VCL: variants seen among roughly 807,000 people sequenced by gnomAD.
The protein encoded by VCL is vinculin.
VCL carries 47 observed loss-of-function variants against 125.7 expected under a neutral mutation model. That is an observed-to-expected ratio of 0.37 (90% confidence interval 0.30 to 0.48). VCL has a LOEUF of 0.48. Ranked by LOEUF, VCL falls within the 20% of genes least tolerant of loss-of-function variation. The probability of loss-of-function intolerance (pLI) is 0.99; values close to 1 mark genes in which losing one functional copy is unlikely to be tolerated. For synonymous variants in VCL, 458 were observed against 514.6 expected (o/e 0.89, Z 1.49); for missense variants, 1,069 against 1,455.5 (o/e 0.73, Z 4.32).
intron 1 of VCL, among the ~76,000 whole-genome samples, chr10:74,030,493 G>A (rs1840855535): frequency 6.6e-6 from 1 of 152,184 alleles, no homozygotes; most frequent in Non-Finnish European, 1.5e-5. Context: ...TGTTGGGAGA[G>A]GAGTTTATGC....
intron 1 of VCL, among the ~76,000 whole-genome samples, chr10:74,038,244 G>A (rs1404856482): frequency 6.6e-6 from 1 of 152,088 alleles, no homozygotes; most frequent in Admixed American, 6.6e-5. Flanking sequence ...TGTTCCACCC[G>A]CCTTGACCTT....
intron 8 of VCL, among the ~76,000 whole-genome samples, chr10:74,086,984 T>C (rs1839789174): frequency 6.6e-6 from 1 of 152,176 alleles, no homozygotes; most frequent in African/African-American, 2.4e-5. Flanking sequence ...AGCCCATAAA[T>C]AGTTTTACTT....
At chr10:74,007,810 C>CT (rs1287332650) in intron 1 of VCL, among the ~76,000 whole-genome samples, 6 of 146,872 alleles carry the variant, frequency 4.1e-5, no homozygotes, top group South Asian at 2.2e-4. Flanking sequence ...TTTTTTTTTC[C>CT]TTTTTTTTTG....
At position 74,102,592 on chromosome 10, in the gene VCL, CAT is replaced by C. The variant is rs1840077405; in HGVS notation, c.2023-1227_2023-1226del. 2.0e-5 allele frequency among the ~76,000 whole-genome samples: 3 copies of C among 152,316 alleles called. No individual in the cohort carries two copies. In the South Asian group the frequency reaches 6.2e-4, roughly 32 times the overall value. On this transcript the variant is annotated intron_variant, in intron 14 of 21. Coordinates refer to ENST00000211998, the MANE Select transcript of VCL (RefSeq NM_014000.3). ...TGTGAGGAGATATGGGGGAAATAAA[CAT>C]GTCTCTGAATCATTAAACTTTTGCC...
chr10:74,095,959 A>C, intron 12 of VCL, 104 bp downstream of exon 12: 5 of 1,380,002 alleles, frequency 3.6e-6, no homozygotes, highest in Non-Finnish European at 5.0e-6. Flanking sequence ...TCTGGGGTCT[A>C]GGGAAAATGA....
In VCL at chr10:74,095,821, G is replaced by A. The variant is rs1227574438; in HGVS notation, c.1709G>A (p.Arg570Gln). 8.7e-6 allele frequency: 14 copies of A among 1,613,924 alleles called. No homozygotes were observed. Among genetic ancestry groups the A allele is most frequent in the South Asian group, 4.4e-5 (4 of 91,082 alleles). ...GGGGAAGGGGAGAGTCCTCAGGCAC[G>A]AGCACTTGCATCTCAGCTCCAAGAC... ...ARGEGESPQA[R>Q]ALASQLQDSL... Residue 570 changes from arginine (R) to glutamine (Q), a missense_variant, in exon 12 of 22, where the codon CGA becomes CAA. This residue lies in a region of VCL where 760 missense variants were observed against 928.9 expected (regional missense o/e 0.82). Coordinates refer to ENST00000211998, the MANE Select transcript of VCL (RefSeq NM_014000.3).
chr10:74,087,510 CTAAT>C (rs1839803032), intron 8 of VCL, among the ~76,000 whole-genome samples: 1 of 126,314 alleles, frequency 7.9e-6, no homozygotes, highest in Non-Finnish European at 1.6e-5. Flanking sequence ...CCACGCCTGG[CTAAT>C]TTTTTTTTTT....
At chr10:74,040,447 A>C (rs977242616) in intron 1 of VCL, among the ~76,000 whole-genome samples, 3 of 152,180 alleles carry the variant, frequency 2.0e-5, no homozygotes, top group Non-Finnish European at 4.4e-5. Flanking sequence ...CCCCACATAT[A>C]TAAAAGGAAT....
At chr10:74,018,582 C>G (rs193024141) in intron 1 of VCL, among the ~76,000 whole-genome samples, 3 of 152,112 alleles carry the variant, frequency 2.0e-5, no homozygotes, top group African/African-American at 7.2e-5. Context: ...TACAAAGATA[C>G]AAGGGTGTGA....
intron 2 of VCL, among the ~76,000 whole-genome samples, chr10:74,048,935 C>T (rs1224535400): frequency 2.0e-5 from 3 of 152,132 alleles, no homozygotes; most frequent in East Asian, 1.9e-4. Flanking sequence ...GGTGAAACCC[C>T]GTCTCTACTA....
At chr10:74,106,499 TG>T (rs1389732383) in intron 16 of VCL, among the ~76,000 whole-genome samples, 1 of 152,192 alleles carries the variant, frequency 6.6e-6, no homozygotes. Flanking sequence ...GGTACTACCA[TG>T]GCAGATCATA....
In VCL at chr10:74,013,903, TAA is replaced by T. The variant is rs34883617; in HGVS notation, c.168+15537_168+15538del. On this transcript the variant is annotated intron_variant, in intron 1 of 21. Coordinates refer to ENST00000211998, the MANE Select transcript of VCL (RefSeq NM_014000.3). ...GTCTAATGAAAAGGCAGTGTTGATT[TAA>T]AAAAAAAATGTCTAAGCATAGCTTC... 1.0e-2 allele frequency among the ~76,000 whole-genome samples: 1,511 copies of T among 151,738 alleles called. 19 individuals carry two copies. The highest frequency in any genetic ancestry group is 0.034 in the African/African-American group (1,395 of 41,382).
intron 8 of VCL, among the ~76,000 whole-genome samples, chr10:74,085,542 C>T (rs1839756031): frequency 6.6e-6 from 1 of 152,086 alleles, no homozygotes; most frequent in African/African-American, 2.4e-5. Flanking sequence ...TAGAGCTTTT[C>T]TCCCCATAAA....
intron 15 of VCL, among the ~76,000 whole-genome samples, chr10:74,104,182 C>A (rs1049474684): frequency 6.6e-6 from 1 of 152,134 alleles, no homozygotes; most frequent in African/African-American, 2.4e-5. Flanking sequence ...TTTATTGTCA[C>A]CACTCCTATC....
rs374592000 is a variant in VCL at position 74,068,465 on chromosome 10, C to T, written c.240-2205C>T. ...TCAGCCTCCCCAGTAGCTGGGATTA[C>T]AGGCCCCTGCCACCATGCCTGGCTA... is the stretch of plus-strand genomic sequence containing the variant. On this transcript the variant is annotated intron_variant, in intron 2 of 21. Coordinates refer to ENST00000211998, the MANE Select transcript of VCL (RefSeq NM_014000.3). Among the ~76,000 whole-genome samples the T allele has an allele frequency of 8.5e-5, 13 of 152,260 alleles. No homozygotes were observed. In the South Asian group the frequency reaches 2.7e-3, roughly 32 times the overall value.
chr10:74,080,448 A>G (rs1441591390), intron 6 of VCL, among the ~76,000 whole-genome samples: 4 of 152,186 alleles, frequency 2.6e-5, no homozygotes, highest in Non-Finnish European at 5.9e-5. Context: ...TTGAGATTCA[A>G]TGAGGTAAGG....
At chr10:74,064,403 A>G (rs1299964483) in intron 2 of VCL, among the ~76,000 whole-genome samples, 2 of 151,104 alleles carry the variant, frequency 1.3e-5, no homozygotes, top group African/African-American at 4.9e-5. Flanking sequence ...ATTAGCATAC[A>G]AAAGACACTT....
rs2131937447 is a variant in VCL, at chr10:74,112,125, A to G, written c.2949+13A>G. ...GTGGTCTAGTAAGGTACTGATAAGC[A>G]CCCCCAGTTGGGGGCTGCTCCATAT... is the stretch of plus-strand genomic sequence containing the variant. On this transcript the variant is annotated intron_variant, in intron 19 of 21. Transcript: ENST00000211998. 3 of 1,613,826 alleles carry G rather than the reference A, an allele frequency of 1.9e-6. No individual in the cohort carries two copies. In the South Asian group the frequency reaches 3.3e-5, roughly 18 times the overall value.
chr10:74,046,831 A>G (rs1371590408), intron 2 of VCL, among the ~76,000 whole-genome samples: 1 of 152,238 alleles, frequency 6.6e-6, no homozygotes, highest in African/African-American at 2.4e-5. Context: ...GCTTATCCCC[A>G]GAGACATATT....
Sources: gnomAD v4.1 joint callset for allele counts (sites outside exome capture counted in the v4.1 genomes callset) on GRCh38, gnomAD v4.1.1 for gene constraint, gnomAD v4.1.1 regional missense constraint, MANE v1.5 for transcripts, NCBI Gene and HGNC (gene_info 2026-07-23, HGNC 2026-07-21) for gene names.